The following AHCYL2 variants were observed in gnomAD, a reference collection of about 807,000 sequenced individuals.
AHCYL2 encodes S-adenosylhomocysteine hydrolase-like protein 2.
A neutral mutation model predicts 81.4 loss-of-function variants in AHCYL2; 28 were observed. The ratio of observed to expected loss-of-function variants is 0.34; its 90% CI spans 0.25 to 0.47. The LOEUF is 0.47. Among genes scored for constraint, AHCYL2 ranks in the 20% least tolerant of loss-of-function variants. AHCYL2 has a pLI of 1.00. For missense variants in AHCYL2, 551 were observed against 785.1 expected, an observed-to-expected ratio of 0.70 and a Z score of 3.56; for synonymous variants, 272 against 290.2, an observed-to-expected ratio of 0.94 and a Z score of 0.64.
chr7:129,403,510 G>T, intron 7 of AHCYL2, 25 bp downstream of exon 7: 1 of 1,494,272 alleles, frequency 6.7e-7, no homozygotes, highest in Non-Finnish European at 9.2e-7. Flanking sequence ...GGGCATACCT[G>T]GTTTTATGCA....
intron 1 of AHCYL2, among the ~76,000 whole-genome samples, chr7:129,239,029 A>AG (rs1794742697): frequency 7.2e-6 from 1 of 138,252 alleles, no homozygotes; most frequent in African/African-American, 2.8e-5. Flanking sequence ...GCAATCAGGG[A>AG]TCATTTACCT....
At chr7:129,226,417 G>T (rs1400763831) in intron 1 of AHCYL2, among the ~76,000 whole-genome samples, 3 of 152,230 alleles carry the variant, frequency 2.0e-5, no homozygotes, top group Non-Finnish European at 4.4e-5. Context: ...GGAAAAGACA[G>T]AAGTGTGGAT....
chr7:129,283,354 A>G (rs1274755416), intron 1 of AHCYL2: 2 of 455,866 alleles, frequency 4.4e-6, no homozygotes, highest in Non-Finnish European at 8.8e-6. Flanking sequence ...TTCATTGCCT[A>G]ATGTGCAGTG....
intron 1 of AHCYL2, among the ~76,000 whole-genome samples, chr7:129,335,767 G>C (rs1798579182): frequency 6.6e-6 from 1 of 152,198 alleles, no homozygotes; most frequent in African/African-American, 2.4e-5. Flanking sequence ...TCTTCTACCA[G>C]CGTGTCCCAA....
chr7:129,373,524 C>T (rs1173545797), intron 1 of AHCYL2, among the ~76,000 whole-genome samples: 4 of 151,642 alleles, frequency 2.6e-5, no homozygotes, highest in Non-Finnish European at 4.4e-5. Context: ...CACTTGACCC[C>T]GGGAGGTGGA....
intron 1 of AHCYL2, among the ~76,000 whole-genome samples, chr7:129,349,143 G>T (rs1793462924): frequency 6.6e-6 from 1 of 152,086 alleles, no homozygotes; most frequent in Non-Finnish European, 1.5e-5. Context: ...AAAAAGAAGT[G>T]ATTGATCTGG....
At chr7:129,326,182 TTAATA>T (rs1798217670) in intron 1 of AHCYL2, among the ~76,000 whole-genome samples, 1 of 152,190 alleles carries the variant, frequency 6.6e-6, no homozygotes, top group East Asian at 1.9e-4. Context: ...CTTAAGACTT[TTAATA>T]TGTGTTGCAA....
chr7:129,403,730 G>T (rs1317474583), intron 7 of AHCYL2, among the ~76,000 whole-genome samples: 2 of 151,682 alleles, frequency 1.3e-5, no homozygotes, highest in East Asian at 3.9e-4. Flanking sequence ...CTGGTGTGGT[G>T]GGCGCCTGTG....
intron 1 of AHCYL2, among the ~76,000 whole-genome samples, chr7:129,325,362 T>C (rs1798183443): frequency 6.6e-6 from 1 of 152,230 alleles, no homozygotes; most frequent in Admixed American, 6.5e-5. Context: ...TATTGTCACT[T>C]GCATGGTTTC....
At chr7:129,308,456 T>A (rs1020252506) in intron 1 of AHCYL2, among the ~76,000 whole-genome samples, 11 of 152,182 alleles carry the variant, frequency 7.2e-5, no homozygotes, top group Non-Finnish European at 1.6e-4. Context: ...GAGAGGGGTG[T>A]TGTTGCATTT....
chr7:129,379,717 T>A lies in AHCYL2; in HGVS notation c.443T>A (p.Ile148Asn), dbSNP rs1563222085. The A allele has an allele frequency of 6.2e-7, 1 of 1,614,160 alleles. No homozygotes were observed. The highest frequency in any genetic ancestry group is 8.5e-7 in the Non-Finnish European group (1 of 1,180,016). The stretch of plus-strand genomic sequence containing the variant: ...GGACGTCGCTCTTTGTCTCGTTCCA[T>A]TTCTCAGTCATCTACTGACAGCTAC... ...KIGRRSLSRS[I>N]SQSSTDSYSS... is the part of the protein sequence containing the mutation. Residue 148 changes from isoleucine to asparagine, a missense_variant, in exon 2 of 17, where the codon ATT becomes AAT. By Grantham distance (149) the Ile-to-Asn change is moderately radical. Around this residue, in one of 2 missense-constraint regions of AHCYL2, gnomAD observed 235 missense variants for 242.1 expected, o/e 0.97. Transcript: ENST00000325006.
At chr7:129,372,589 C>T (rs947662153) in intron 1 of AHCYL2, among the ~76,000 whole-genome samples, 2 of 152,036 alleles carry the variant, frequency 1.3e-5, no homozygotes, top group African/African-American at 4.8e-5. Context: ...GGATGGATCA[C>T]CTGAGGTCAG....
rs1343744277 is a variant in AHCYL2, at chr7:129,225,092, G to C, written c.16G>C (p.Val6Leu). The C allele has an allele frequency of 6.3e-7, 1 of 1,596,292 alleles. No homozygotes were observed. Among genetic ancestry groups the C allele is most frequent in the Admixed American group, 1.7e-5 (1 of 58,056 alleles). Reference sequence around the variant, plus strand: ...GGAGGCGGTGATGTCGGTGCAGGTTGTGTCAGCCGCGGCTGCCGCCAAGGT... The same window carrying C: ...GGAGGCGGTGATGTCGGTGCAGGTTCTGTCAGCCGCGGCTGCCGCCAAGGT... MSVQV[V>L]SAAAAAKVPE... The change falls in exon 1 of 17, where the codon GTG (valine) becomes CTG (leucine). Residue 6 changes from valine to leucine, a missense_variant. Around this residue, in one of 2 missense-constraint regions of AHCYL2, gnomAD observed 235 missense variants for 242.1 expected, o/e 0.97. Transcript: ENST00000325006.
intron 1 of AHCYL2, among the ~76,000 whole-genome samples, chr7:129,347,896 T>C (rs1019184189): frequency 2.0e-5 from 3 of 152,212 alleles, no homozygotes; most frequent in Non-Finnish European, 4.4e-5. Flanking sequence ...TGAAAGCTTT[T>C]CAGATAGATA....
rs554142613 is a variant in AHCYL2 at position 129,394,183 on chromosome 7, T to A, written c.721-3039T>A. On this transcript the variant is annotated intron_variant, in intron 4 of 16. Coordinates refer to ENST00000325006, the MANE Select transcript of AHCYL2 (RefSeq NM_015328.4). ...ACCACTATGCCTGGCTAATTTTTTT[T>A]AATTTTTTGTAGAGAAGAGATCTTG... 1.9e-3 allele frequency among the ~76,000 whole-genome samples: 295 copies of A among 151,804 alleles called. 1 individual carries two copies. Among genetic ancestry groups the A allele is most frequent in the South Asian group, 6.3e-3 (30 of 4,796 alleles).
At chr7:129,324,750 C>T (rs1024310070) in intron 1 of AHCYL2, among the ~76,000 whole-genome samples, 1 of 151,910 alleles carries the variant, frequency 6.6e-6, no homozygotes, top group Non-Finnish European at 1.5e-5. Flanking sequence ...CTCCTGACCT[C>T]GTGATCCACC....
At chr7:129,392,235 T>C (rs1389189780) in intron 4 of AHCYL2, among the ~76,000 whole-genome samples, 1 of 152,240 alleles carries the variant, frequency 6.6e-6, no homozygotes, top group Non-Finnish European at 1.5e-5. Flanking sequence ...CCTAATACTC[T>C]TTCACTCTTG....
chr7:129,322,969 T>C (rs1465302161), intron 1 of AHCYL2, among the ~76,000 whole-genome samples: 5 of 152,224 alleles, frequency 3.3e-5, no homozygotes, highest in Non-Finnish European at 7.3e-5. Context: ...TATTATTCCT[T>C]TGGATCTTCT....
At chr7:129,420,477 CT>C (rs11414828) in intron 12 of AHCYL2, among the ~76,000 whole-genome samples, 449 of 126,814 alleles carry the variant, frequency 3.5e-3, no homozygotes, top group African/African-American at 7.3e-3. Flanking sequence ...TGCTTAAATT[CT>C]TTTTTTTTTT....
Sources: allele counts gnomAD v4.1 joint callset (sites outside exome capture counted in the v4.1 genomes callset), GRCh38; gene constraint gnomAD v4.1.1; regional missense constraint gnomAD v4.1.1; transcripts MANE v1.5; gene names NCBI Gene and HGNC (gene_info 2026-07-23, HGNC 2026-07-21).